ERP44: variants seen among roughly 807,000 people sequenced by gnomAD.
ERP44 encodes endoplasmic reticulum resident protein 44.
A neutral mutation model predicts 53.4 loss-of-function variants in ERP44; 25 were observed. That is an observed-to-expected ratio of 0.47 (90% CI 0.34 to 0.65). ERP44 has a LOEUF of 0.65. Among genes scored for constraint, ERP44 ranks in the 30% least tolerant of loss-of-function variants. ERP44 has a pLI of 0.01. For missense variants in ERP44, 338 were observed against 493.2 expected (o/e 0.69, Z 2.98); for synonymous variants, 145 against 161.2 (o/e 0.90, Z 0.76).
rs184185359 is a variant in ERP44 at position 100,092,053 on chromosome 9, G to C, written c.57+6731C>G. ...AATGATCTTTTTCTCCTCCATAGTA[G>C]ATTGCAAATAGACTTTCAAATGATA... On this transcript the variant is annotated intron_variant, in intron 1 of 11. Coordinates refer to ENST00000262455, the MANE Select transcript of ERP44 (RefSeq NM_015051.3). 5.2e-3 allele frequency among the ~76,000 whole-genome samples: 799 copies of C among 152,264 alleles called. 7 individuals are homozygous for C. Among genetic ancestry groups the C allele is most frequent in the African/African-American group, 0.018 (728 of 41,526 alleles).
intron 1 of ERP44, among the ~76,000 whole-genome samples, chr9:100,068,631 C>A (rs1469765569): frequency 5.4e-4 from 77 of 142,512 alleles, no homozygotes; most frequent in Non-Finnish European, 9.3e-4. Flanking sequence ...GGGTCAGCCC[C>A]CCACCCGGCC....
At chr9:100,067,239 G>C (rs906976896) in intron 1 of ERP44, among the ~76,000 whole-genome samples, 1 of 152,066 alleles carries the variant, frequency 6.6e-6, no homozygotes, top group Non-Finnish European at 1.5e-5. Flanking sequence ...CTCTGATGCC[G>C]AGCGGAAGCT....
At chr9:100,077,459 T>C (rs1039445655) in intron 1 of ERP44, among the ~76,000 whole-genome samples, 1 of 152,236 alleles carries the variant, frequency 6.6e-6, no homozygotes, top group African/African-American at 2.4e-5. Context: ...ATGTATGCTC[T>C]GAATCAACAT....
At chr9:99,996,348 C>T (rs956582304) in intron 10 of ERP44, among the ~76,000 whole-genome samples, 3 of 152,200 alleles carry the variant, frequency 2.0e-5, no homozygotes, top group African/African-American at 7.2e-5. Context: ...GTGCCCACTT[C>T]CACTTTTACT....
rs1267534987 is a variant in ERP44 at position 99,980,007 on chromosome 9, A to G, written c.*2605T>C. On this transcript the variant is annotated 3_prime_UTR_variant, in exon 12 of 12. Transcript: ENST00000262455. ...TTCCCCAACCCCAAATGCCTTACTA[A>G]AAGAACTTTTTTCTCTAATGCATTA... is the stretch of plus-strand genomic sequence containing the variant. The G allele has an allele frequency of 1.5e-5, 6 of 398,388 alleles. No homozygotes were observed. Among genetic ancestry groups the G allele is most frequent in the East Asian group, 3.6e-5 (1 of 28,092 alleles). The allele number at this position is 398,388 out of a possible 1,614,324, so 24.7% of individuals were successfully genotyped here.
chr9:100,017,059 A>G (rs1402500659), intron 7 of ERP44, among the ~76,000 whole-genome samples: 1 of 152,220 alleles, frequency 6.6e-6, no homozygotes, highest in Non-Finnish European at 1.5e-5. Context: ...TGAAACATAC[A>G]AGATGCTATA....
intron 5 of ERP44, among the ~76,000 whole-genome samples, chr9:100,021,344 T>G: frequency 6.6e-6 from 1 of 152,220 alleles, no homozygotes; most frequent in East Asian, 1.9e-4. Flanking sequence ...CCCTCTGTAT[T>G]GCCTCCATAG....
At chr9:99,989,022 A>G (rs1287290502) in intron 10 of ERP44, among the ~76,000 whole-genome samples, 1 of 152,188 alleles carries the variant, frequency 6.6e-6, no homozygotes, top group African/African-American at 2.4e-5. Context: ...TAGGTAAACA[A>G]AGCGGCCAGG....
intron 10 of ERP44, among the ~76,000 whole-genome samples, chr9:100,004,957 A>C (rs1199864407): frequency 6.6e-6 from 1 of 152,206 alleles, no homozygotes; most frequent in African/African-American, 2.4e-5. Flanking sequence ...TCCAAATTGC[A>C]GCCAGAGTAA....
At chr9:99,994,186 T>C (rs1442527081) in intron 10 of ERP44, among the ~76,000 whole-genome samples, 1 of 152,194 alleles carries the variant, frequency 6.6e-6, no homozygotes, top group Non-Finnish European at 1.5e-5. Context: ...CATGCTATTA[T>C]AAAGACACAT....
chr9:100,044,677 A>G (rs961975247), intron 4 of ERP44, among the ~76,000 whole-genome samples: 22 of 152,212 alleles, frequency 1.4e-4, no homozygotes, highest in African/African-American at 5.3e-4. Flanking sequence ...AATACTCTGT[A>G]TACTGCAGAT....
intron 10 of ERP44, among the ~76,000 whole-genome samples, chr9:100,002,575 C>T (rs1830388856): frequency 6.6e-6 from 1 of 152,296 alleles, no homozygotes; most frequent in East Asian, 1.9e-4. Flanking sequence ...AGACTTTGAA[C>T]ATATCATCCC....
At chr9:99,993,260 T>C (rs1212653195) in intron 10 of ERP44, among the ~76,000 whole-genome samples, 1 of 152,188 alleles carries the variant, frequency 6.6e-6, no homozygotes. Context: ...GACTTCAAAC[T>C]ATACTACAAG....
chr9:100,006,837 C>T (rs186901372), intron 9 of ERP44, among the ~76,000 whole-genome samples, 190 bp from the exon 10 acceptor site: 60 of 152,264 alleles, frequency 3.9e-4, no homozygotes, highest in Non-Finnish European at 2.9e-5. Context: ...TCTTAGGGCA[C>T]AGAGTATAAC....
chr9:100,067,343 G>A (rs541920938), intron 1 of ERP44, among the ~76,000 whole-genome samples: 226 of 148,416 alleles, frequency 1.5e-3, no homozygotes, highest in African/African-American at 5.2e-3. Context: ...GGCGCGCGCC[G>A]CCGCGCCTGA....
At chr9:100,059,023 A>G (rs967798674) in intron 2 of ERP44, among the ~76,000 whole-genome samples, 1 of 152,220 alleles carries the variant, frequency 6.6e-6, no homozygotes, top group African/African-American at 2.4e-5. Context: ...GGGGTCTAGC[A>G]GTTTCCTAGC....
chr9:100,038,785 C>G (rs993986895), intron 4 of ERP44, among the ~76,000 whole-genome samples: 2 of 151,654 alleles, frequency 1.3e-5, no homozygotes, highest in Non-Finnish European at 2.9e-5. Context: ...CATACATAGA[C>G]TGAAAATAAA....
chr9:100,012,697 C>T (rs1046903053), intron 8 of ERP44, among the ~76,000 whole-genome samples: 3 of 151,968 alleles, frequency 2.0e-5, no homozygotes, highest in East Asian at 1.9e-4. Flanking sequence ...GCAAAGGCAA[C>T]GTTTAAATCA....
At position 100,043,480 on chromosome 9, in the gene ERP44, C is replaced by T. The variant is rs144128882; in HGVS notation, c.286+8937G>A. ...GACTTCAAAATATCTTTTGGCCTGG[C>T]GCAGTGGCTCACGCCTGTAGTCCCA... On this transcript the variant is annotated intron_variant, in intron 4 of 11. Coordinates refer to ENST00000262455, the MANE Select transcript of ERP44 (RefSeq NM_015051.3). Among the ~76,000 whole-genome samples, 100 of 152,024 alleles carry T rather than the reference C, an allele frequency of 6.6e-4. 1 individual carries two copies. Among genetic ancestry groups the T allele is most frequent in the African/African-American group, 2.0e-3 (84 of 41,452 alleles).
Sources: gnomAD v4.1 joint callset for allele counts (sites outside exome capture counted in the v4.1 genomes callset) on GRCh38, gnomAD v4.1.1 for gene constraint, MANE v1.5 for transcripts, NCBI Gene and HGNC (gene_info 2026-07-23, HGNC 2026-07-21) for gene names.